EVA1C: variants seen among roughly 807,000 people sequenced by gnomAD.
EVA1C encodes the protein eva-1 homolog C, also known as protein eva-1 homolog C.
A neutral mutation model predicts 45.4 loss-of-function variants in EVA1C; 25 were observed. That is an observed-to-expected ratio of 0.55 (90% CI 0.40 to 0.77). The LOEUF (loss-of-function observed/expected upper bound fraction) is 0.77. EVA1C is among the 30% of genes least tolerant of loss of function. The pLI is 0.00. For synonymous variants in EVA1C, 190 were observed against 221.2 expected, an observed-to-expected ratio of 0.86 and a Z score of 1.25; for missense variants, 479 against 554.8, an observed-to-expected ratio of 0.86 and a Z score of 1.37.
intron 1 of EVA1C, among the ~76,000 whole-genome samples, chr21:32,422,511 T>G (rs988522212): frequency 2.6e-5 from 4 of 152,096 alleles, no homozygotes; most frequent in Non-Finnish European, 4.4e-5. Flanking sequence ...TAAAATAAAT[T>G]TATACCTGAA....
At chr21:32,464,992 G>T (rs1340830436) in intron 3 of EVA1C, among the ~76,000 whole-genome samples, 1 of 152,160 alleles carries the variant, frequency 6.6e-6, no homozygotes, top group African/African-American at 2.4e-5. Context: ...TTCAAATTGT[G>T]ATTGCAGCCC....
At chr21:32,450,507 C>T (rs1025776955) in intron 1 of EVA1C, among the ~76,000 whole-genome samples, 11 of 1,048 alleles carry the variant, frequency 0.01, no homozygotes, top group South Asian at 0.1. Context: ...TTCCCCGGAC[C>T]ACAGTCCGGG....
chr21:32,503,300 C>T (rs971569553), intron 6 of EVA1C, among the ~76,000 whole-genome samples: 2 of 152,214 alleles, frequency 1.3e-5, no homozygotes, highest in African/African-American at 4.8e-5. Flanking sequence ...TATCCCAACA[C>T]TTTGGGAGGC....
At chr21:32,476,748 A>G (rs947769844) in intron 4 of EVA1C, among the ~76,000 whole-genome samples, 2 of 151,750 alleles carry the variant, frequency 1.3e-5, no homozygotes, top group Non-Finnish European at 2.9e-5. Flanking sequence ...CCCCATAAGC[A>G]CCCCCAGGGC....
At chr21:32,457,762 T>G in intron 3 of EVA1C, 42 bp downstream of exon 3, 1 of 1,611,518 alleles carries the variant, frequency 6.2e-7, no homozygotes, top group Non-Finnish European at 8.5e-7. Context: ...GGGGTGTGGT[T>G]CTCGTTTCCT....
intron 5 of EVA1C, among the ~76,000 whole-genome samples, chr21:32,498,737 G>T (rs2037435534): frequency 6.6e-6 from 1 of 152,130 alleles, no homozygotes; most frequent in African/African-American, 2.4e-5. Context: ...GGAGAGGAAA[G>T]GTGTTGATGA....
In EVA1C at chr21:32,421,438, A is replaced by G. The variant is rs144812069; in HGVS notation, c.160+8425A>G. Among the ~76,000 whole-genome samples, 695 of 152,354 alleles carry G rather than the reference A, an allele frequency of 4.6e-3. 5 individuals are homozygous for G. Among genetic ancestry groups the G allele is most frequent in the African/African-American group, 0.015 (604 of 41,578 alleles). On this transcript the variant is annotated intron_variant, in intron 1 of 7. Coordinates refer to ENST00000300255, the MANE Select transcript of EVA1C (RefSeq NM_058187.5). ...GAAAGATGACAAGGAAACTTGTCAT[A>G]GCCTAGGTTCAGGATTGGAGAAAAA...
intron 4 of EVA1C, among the ~76,000 whole-genome samples, chr21:32,482,806 T>C (rs2036833235): frequency 6.6e-6 from 1 of 151,394 alleles, no homozygotes. Flanking sequence ...GGAACCACTG[T>C]CCTGCCCCCT....
chr21:32,447,175 G>A (rs535454237), intron 1 of EVA1C, among the ~76,000 whole-genome samples: 172 of 152,260 alleles, frequency 1.1e-3, no homozygotes, highest in African/African-American at 3.9e-3. Flanking sequence ...TGAGGTGGGT[G>A]GATCACTTGA....
At chr21:32,466,512 T>TG (rs1214834841) in intron 3 of EVA1C, among the ~76,000 whole-genome samples, 1 of 151,974 alleles carries the variant, frequency 6.6e-6, no homozygotes, top group Non-Finnish European at 1.5e-5. Flanking sequence ...ATAAACTGTG[T>TG]TTTCTTCAAC....
intron 1 of EVA1C, among the ~76,000 whole-genome samples, chr21:32,430,182 G>A (rs1314066948): frequency 6.6e-6 from 1 of 152,204 alleles, no homozygotes; most frequent in Non-Finnish European, 1.5e-5. Context: ...GGGGCCAGTG[G>A]AGGTGCCTCA....
chr21:32,457,699 G>A lies in EVA1C; in HGVS notation c.460G>A (p.Val154Ile). 6.2e-7 allele frequency: 1 copy of A among 1,614,130 alleles called. No individual in the cohort carries two copies. Among genetic ancestry groups the A allele is most frequent in the Non-Finnish European group, 8.5e-7 (1 of 1,180,012 alleles). Reference sequence around the variant, plus strand: ...TCCAGGAAGCAGTAAATACCTCCTGGTCTCCTTTAAATGCCAACCTAGTAA... The same window carrying A: ...TCCAGGAAGCAGTAAATACCTCCTGATCTCCTTTAAATGCCAACCTAGTAA... ...LCPGSSKYLL[V>I]SFKCQPNELK... The change falls in exon 3 of 8, where the codon GTC becomes ATC. Residue 154 changes from valine to isoleucine, a missense_variant. By Grantham distance (29) the Val-to-Ile change is conservative. Coordinates refer to ENST00000300255, the MANE Select transcript of EVA1C (RefSeq NM_058187.5).
At chr21:32,514,622 G>A (rs969173146) in intron 7 of EVA1C, among the ~76,000 whole-genome samples, 192 bp from the exon 8 acceptor site, 2 of 152,128 alleles carry the variant, frequency 1.3e-5, no homozygotes. Flanking sequence ...TGACTCCGTA[G>A]GCGCAAAAGC....
At chr21:32,447,483 A>G (rs115783394) in intron 1 of EVA1C, among the ~76,000 whole-genome samples, 1,696 of 152,100 alleles carry the variant, frequency 0.011, 34 homozygotes, top group African/African-American at 0.038. Context: ...CTCAATCACA[A>G]TTATTTAAAA....
In EVA1C at chr21:32,438,240, T is replaced by C. The variant is rs144310509; in HGVS notation, c.161-15072T>C. Among the ~76,000 whole-genome samples, 409 of 152,322 alleles carry C rather than the reference T, an allele frequency of 2.7e-3. 1 individual carries two copies. Among genetic ancestry groups the C allele is most frequent in the African/African-American group, 9.3e-3 (385 of 41,566 alleles). On this transcript the variant is annotated intron_variant, in intron 1 of 7. Coordinates refer to ENST00000300255, the MANE Select transcript of EVA1C (RefSeq NM_058187.5). ...GGCTGGGCATGGTGGCTTACACCTGTAATCCCAGCACTTTGGGAGGCCAAG... is the reference window on the plus strand; with the variant it reads ...GGCTGGGCATGGTGGCTTACACCTGCAATCCCAGCACTTTGGGAGGCCAAG...
intron 2 of EVA1C, among the ~76,000 whole-genome samples, chr21:32,456,574 C>T (rs1482981712): frequency 6.6e-6 from 1 of 152,184 alleles, no homozygotes; most frequent in Non-Finnish European, 1.5e-5. Context: ...CCTGGCGGGG[C>T]CAGCATTCTT....
chr21:32,467,085 C>A (rs566662274), intron 3 of EVA1C, among the ~76,000 whole-genome samples: 1 of 151,976 alleles, frequency 6.6e-6, no homozygotes, highest in Non-Finnish European at 1.5e-5. Flanking sequence ...CCCAAGAGTT[C>A]GAGGCTGCAG....
chr21:32,488,431 G>T (rs1311019823), intron 4 of EVA1C, among the ~76,000 whole-genome samples: 3 of 152,032 alleles, frequency 2.0e-5, no homozygotes, highest in Admixed American at 6.6e-5. Flanking sequence ...GTGCAGATGG[G>T]TTTCCTTTTC....
chr21:32,412,689 G>A (rs562512146), upstream of EVA1C: 21 of 589,662 alleles, frequency 3.6e-5, no homozygotes, highest in South Asian at 8.3e-5. Flanking sequence ...GGGGCGCCTG[G>A]GCTGGCCCGC....
Sources: gnomAD v4.1 joint callset for allele counts (sites outside exome capture counted in the v4.1 genomes callset) on GRCh38, gnomAD v4.1.1 for gene constraint, MANE v1.5 for transcripts, NCBI Gene and HGNC (gene_info 2026-07-23, HGNC 2026-07-21) for gene names.